IGSF21: variants seen among roughly 807,000 people sequenced by gnomAD.
IGSF21 encodes immunoglobin superfamily member 21, also known as immunoglobulin superfamily member 21.
A neutral mutation model predicts 46.8 loss-of-function variants in IGSF21; 28 were observed. The ratio of observed to expected loss-of-function variants is 0.60; its 90% confidence interval spans 0.44 to 0.82. The LOEUF is 0.82. Ranked by LOEUF, IGSF21 falls within the 40% of genes least tolerant of loss-of-function variation. IGSF21 has a pLI of 0.00. For synonymous variants in IGSF21, 284 were observed against 273.6 expected (o/e 1.04, Z -0.38); for missense variants, 624 against 665.5 (o/e 0.94, Z 0.69).
chr1:18,180,390 G>A (rs2086845548), intron 1 of IGSF21, among the ~76,000 whole-genome samples: 1 of 152,078 alleles, frequency 6.6e-6, no homozygotes, highest in East Asian at 1.9e-4. Context: ...GGGTTGCTGA[G>A]CCCTCAGCCT....
chr1:18,147,907 C>T (rs1386746092), intron 1 of IGSF21, among the ~76,000 whole-genome samples: 1 of 152,004 alleles, frequency 6.6e-6, no homozygotes, highest in Non-Finnish European at 1.5e-5. Flanking sequence ...GGGGGTGGGT[C>T]TTTCCTGTGC....
At chr1:18,350,891 G>A (rs1448580222) in intron 4 of IGSF21, among the ~76,000 whole-genome samples, 5 of 152,306 alleles carry the variant, frequency 3.3e-5, no homozygotes, top group Non-Finnish European at 7.4e-5. Context: ...GAGTGCGGTG[G>A]GGGGTAGGGG....
chr1:18,198,857 A>G (rs555632274), intron 1 of IGSF21, among the ~76,000 whole-genome samples: 3 of 152,052 alleles, frequency 2.0e-5, no homozygotes, highest in Non-Finnish European at 4.4e-5. Context: ...AGGCTTTGTT[A>G]TTTACAAATA....
intron 4 of IGSF21, 61 bp from the exon 5 acceptor site, chr1:18,362,054 G>C (rs2086106521): frequency 8.0e-7 from 1 of 1,254,676 alleles, no homozygotes; most frequent in Non-Finnish European, 1.1e-6. Flanking sequence ...TAGGTCATCA[G>C]TGAACTCTTC....
chr1:18,287,628 G>A (rs899176390), intron 2 of IGSF21, among the ~76,000 whole-genome samples: 7 of 152,142 alleles, frequency 4.6e-5, no homozygotes, highest in Admixed American at 3.3e-4. Flanking sequence ...TGTGGTTGTC[G>A]GTCGGCCCTG....
chr1:18,344,098 C>A (rs371585688), intron 4 of IGSF21, among the ~76,000 whole-genome samples: 1 of 152,160 alleles, frequency 6.6e-6, no homozygotes, highest in African/African-American at 2.4e-5. Context: ...GATTCTTGAA[C>A]GTGATTCTCT....
chr1:18,177,395 GTGT>G (rs2086811421), intron 1 of IGSF21, among the ~76,000 whole-genome samples: 1 of 84,400 alleles, frequency 1.2e-5, no homozygotes, highest in Non-Finnish European at 2.1e-5. Context: ...TCAGTGAGGT[GTGT>G]GTGTGTGTGT....
chr1:18,147,549 T>A (rs939409518), intron 1 of IGSF21, among the ~76,000 whole-genome samples: 26 of 152,078 alleles, frequency 1.7e-4, no homozygotes, highest in African/African-American at 5.8e-4. Context: ...CTATTTTCCC[T>A]TTATATGAAT....
At chr1:18,274,999 C>T (rs560331602) in intron 2 of IGSF21, among the ~76,000 whole-genome samples, 1 of 151,950 alleles carries the variant, frequency 6.6e-6, no homozygotes, top group Non-Finnish European at 1.5e-5. Context: ...TGCACTCCAG[C>T]CTGGGTGATA....
rs760350567 is a variant in IGSF21, at chr1:18,365,593, T to G, written c.911T>G (p.Leu304Arg). 1.9e-6 allele frequency: 3 copies of G among 1,614,154 alleles called. No homozygotes were observed. The highest frequency in any genetic ancestry group is 2.5e-6 in the Non-Finnish European group (3 of 1,180,030). The change falls in exon 6 of 10, where the codon CTG (leucine) becomes CGG (arginine). Residue 304 changes from leucine to arginine, a missense_variant. Physicochemically the swap from Leu to Arg is moderately radical, Grantham distance 102 (BLOSUM62 -2). Coordinates refer to ENST00000251296, the MANE Select transcript of IGSF21 (RefSeq NM_032880.5). This position sits in a 1 kb window ranked among gnomAD's most constrained non-coding sequence, Gnocchi z 4.8. ...SSDGTVEVRA[L>R]LTWTLNPQID... ...GACGGCACTGTGGAAGTACGTGCCC[T>G]GCTCACCTGGACCCTCAACCCACAG...
intron 1 of IGSF21, among the ~76,000 whole-genome samples, chr1:18,122,326 G>A (rs1183841262): frequency 6.6e-6 from 1 of 150,528 alleles, no homozygotes; most frequent in African/African-American, 2.4e-5. Context: ...GAGTAGCTGG[G>A]ATTACAGGTG....
intron 2 of IGSF21, among the ~76,000 whole-genome samples, chr1:18,230,550 G>A (rs1358691062): frequency 2.6e-5 from 4 of 152,100 alleles, no homozygotes; most frequent in African/African-American, 7.2e-5. Flanking sequence ...GGACGGAGGT[G>A]GTGGCTCAGC....
chr1:18,148,116 T>C (rs1419352181), intron 1 of IGSF21, among the ~76,000 whole-genome samples: 1 of 147,636 alleles, frequency 6.8e-6, no homozygotes, highest in African/African-American at 2.5e-5. Context: ...AATTACTCAG[T>C]CACAAGTATG....
intron 1 of IGSF21, among the ~76,000 whole-genome samples, chr1:18,224,624 A>G (rs980081739): frequency 6.6e-6 from 1 of 152,190 alleles, no homozygotes; most frequent in African/African-American, 2.4e-5. Flanking sequence ...GGTGCCTGGT[A>G]CGGAATAGAT....
chr1:18,257,600 T>C lies in IGSF21; in HGVS notation c.183+29590T>C, dbSNP rs538523525. ...AGGATTCCTGATGCACTGAGCTCAA[T>C]TCTGGCCAACAAACACTTAGCAGTA... is the stretch of plus-strand genomic sequence containing the variant. On this transcript the variant is annotated intron_variant, in intron 2 of 9. Coordinates refer to ENST00000251296, the MANE Select transcript of IGSF21 (RefSeq NM_032880.5). 5.9e-5 allele frequency among the ~76,000 whole-genome samples: 9 copies of C among 152,216 alleles called. No individual in the cohort carries two copies. In the East Asian group the frequency reaches 1.5e-3, roughly 26 times the overall value.
chr1:18,234,864 C>A (rs562982976), intron 2 of IGSF21, among the ~76,000 whole-genome samples: 12 of 152,288 alleles, frequency 7.9e-5, no homozygotes, highest in African/African-American at 2.9e-4. Flanking sequence ...AAACTCCACC[C>A]CTAACCACAG....
chr1:18,324,568 C>T (rs925231628), intron 3 of IGSF21, among the ~76,000 whole-genome samples: 1 of 152,204 alleles, frequency 6.6e-6, no homozygotes, highest in Non-Finnish European at 1.5e-5. Flanking sequence ...TAAATCACCT[C>T]CCTGTCTTTA....
chr1:18,359,047 T>G (rs1557659225), intron 4 of IGSF21, among the ~76,000 whole-genome samples: 1 of 152,122 alleles, frequency 6.6e-6, no homozygotes, highest in Non-Finnish European at 1.5e-5. Flanking sequence ...GAGGATCGTT[T>G]GAGGCCAGGA....
At chr1:18,253,727 C>A (rs940223580) in intron 2 of IGSF21, among the ~76,000 whole-genome samples, 4 of 152,196 alleles carry the variant, frequency 2.6e-5, no homozygotes, top group Non-Finnish European at 4.4e-5. Flanking sequence ...CTCTGGGAAA[C>A]ACCCTCTCTG....
Sources: gnomAD v4.1 joint callset for allele counts (sites outside exome capture counted in the v4.1 genomes callset) on GRCh38, gnomAD v4.1.1 for gene constraint, Gnocchi (gnomAD v3.1) non-coding constraint, MANE v1.5 for transcripts, NCBI Gene and HGNC (gene_info 2026-07-23, HGNC 2026-07-21) for gene names.